The following PAK5 variants were observed in gnomAD, a reference collection of about 807,000 sequenced individuals.
PAK5 encodes the protein p21 (RAC1) activated kinase 5.
A neutral mutation model predicts 65.9 loss-of-function variants in PAK5; 16 were observed. The ratio of observed to expected loss-of-function variants is 0.24; its 90% CI spans 0.16 to 0.37. The LOEUF is 0.37. PAK5 is among the 10% of genes least tolerant of loss of function. The probability of loss-of-function intolerance (pLI) is 1.00; values close to 1 mark genes in which losing one functional copy is unlikely to be tolerated. For missense variants in PAK5, 785 were observed against 903.9 expected, an observed-to-expected ratio of 0.87 and a Z score of 1.69; for synonymous variants, 371 against 354.9, an observed-to-expected ratio of 1.05 and a Z score of -0.51.
intron 6 of PAK5, among the ~76,000 whole-genome samples, chr20:9,559,463 ATAAAGT>A (rs1259314032): frequency 2.0e-4 from 31 of 152,206 alleles, no homozygotes; most frequent in Non-Finnish European, 1.5e-5. Context: ...TACCAAAGGT[ATAAAGT>A]TGATGAGTAT....
intron 1 of PAK5, among the ~76,000 whole-genome samples, chr20:9,738,916 C>T (rs1432510560): frequency 1.3e-5 from 2 of 151,742 alleles, no homozygotes; most frequent in South Asian, 2.1e-4. Context: ...GCAATAGTAA[C>T]ATTTCAAGTG....
intron 1 of PAK5, among the ~76,000 whole-genome samples, chr20:9,820,316 A>G (rs1288640512): frequency 3.9e-5 from 6 of 152,326 alleles, no homozygotes; most frequent in Non-Finnish European, 8.8e-5. Flanking sequence ...TAAAACTCAG[A>G]TTTCCCCTAT....
intron 1 of PAK5, among the ~76,000 whole-genome samples, chr20:9,723,196 A>C (rs2048237892): frequency 6.6e-6 from 1 of 152,292 alleles, no homozygotes; most frequent in Non-Finnish European, 1.5e-5. Context: ...AATATTAGTT[A>C]AGAGGCTATC....
At chr20:9,787,946 A>C (rs890948431) in intron 1 of PAK5, among the ~76,000 whole-genome samples, 7 of 150,260 alleles carry the variant, frequency 4.7e-5, no homozygotes, top group African/African-American at 1.7e-4. Context: ...ATAATAGCTA[A>C]AAATTAGCTG....
rs777727004 is a variant in PAK5 at position 9,580,691 on chromosome 20, C to T, written c.444G>A (p.Glu148=). The change falls in exon 4 of 10, where the codon GAG becomes GAA. Residue 148 remains glutamate (E), a synonymous_variant. Transcript: ENST00000353224. ...TADYTTEKYR[E]KSLYGDDLDP... Reference sequence around the variant, plus strand: ...CCAGATCATCTCCATAGAGACTCTTCTCCCTGTACTTTTCGGTCGTGTAGT... The same window carrying T: ...CCAGATCATCTCCATAGAGACTCTTTTCCCTGTACTTTTCGGTCGTGTAGT... The T allele has an allele frequency of 1.9e-6, 3 of 1,614,068 alleles. No individual in the cohort carries two copies. Among genetic ancestry groups the T allele is most frequent in the Non-Finnish European group, 2.5e-6 (3 of 1,180,012 alleles).
chr20:9,636,676 G>T (rs1242652866), intron 3 of PAK5, among the ~76,000 whole-genome samples: 1 of 152,144 alleles, frequency 6.6e-6, no homozygotes, highest in Non-Finnish European at 1.5e-5. Context: ...CTTCAAAACA[G>T]CTGGTTTAGA....
chr20:9,541,278 G>C (rs1409140131), intron 9 of PAK5, among the ~76,000 whole-genome samples: 1 of 152,116 alleles, frequency 6.6e-6, no homozygotes, highest in Non-Finnish European at 1.5e-5. Flanking sequence ...AGTGTTTATA[G>C]TAGTAGTCCT....
At chr20:9,685,963 T>C (rs892672930) in intron 2 of PAK5, among the ~76,000 whole-genome samples, 1 of 152,224 alleles carries the variant, frequency 6.6e-6, no homozygotes, top group Non-Finnish European at 1.5e-5. Flanking sequence ...AAAGTGTTGC[T>C]ACATGCAATG....
chr20:9,634,864 G>C (rs1419118501), intron 3 of PAK5, among the ~76,000 whole-genome samples: 1 of 152,126 alleles, frequency 6.6e-6, no homozygotes, highest in Non-Finnish European at 1.5e-5. Flanking sequence ...GGGATTCCAG[G>C]AAGTAACAGG....
intron 2 of PAK5, among the ~76,000 whole-genome samples, chr20:9,677,715 T>C (rs1490086129): frequency 6.6e-6 from 1 of 152,208 alleles, no homozygotes. Context: ...ACTGATATTT[T>C]CCTAAATTAT....
chr20:9,669,342 C>A (rs946044656), intron 2 of PAK5, among the ~76,000 whole-genome samples: 1 of 151,980 alleles, frequency 6.6e-6, no homozygotes, highest in Non-Finnish European at 1.5e-5. Context: ...ATATAACAAG[C>A]CTCCTTCTAG....
intron 1 of PAK5, among the ~76,000 whole-genome samples, chr20:9,799,354 A>G (rs1271444832): frequency 6.6e-6 from 1 of 152,124 alleles, no homozygotes; most frequent in Non-Finnish European, 1.5e-5. Flanking sequence ...TTGTTTGCTT[A>G]TCTTTTATTG....
At position 9,557,598 on chromosome 20, in the gene PAK5, A is replaced by C; in HGVS notation, c.1743+10T>G. On this transcript the variant is annotated intron_variant, in intron 7 of 9. Coordinates refer to ENST00000353224, the MANE Select transcript of PAK5 (RefSeq NM_177990.4). ...AAAAACTACGAACGGGCCAAACATG[A>C]ACATCTTACCCGGCCATCGCTTGTC... 1.9e-6 allele frequency: 3 copies of C among 1,604,636 alleles called. No individual in the cohort carries two copies. The highest frequency in any genetic ancestry group is 2.6e-6 in the Non-Finnish European group (3 of 1,175,826).
At chr20:9,726,849 G>A (rs143213814) in intron 1 of PAK5, among the ~76,000 whole-genome samples, 68 of 152,202 alleles carry the variant, frequency 4.5e-4, no homozygotes, top group African/African-American at 1.5e-3. Context: ...AAGTATTAGC[G>A]ACCAAAAAGG....
intron 3 of PAK5, among the ~76,000 whole-genome samples, chr20:9,587,415 C>A (rs1392870780): frequency 6.6e-6 from 1 of 152,156 alleles, no homozygotes; most frequent in African/African-American, 2.4e-5. Flanking sequence ...AATTAACAAT[C>A]AGCATTCTAT....
At chr20:9,768,987 T>C (rs551830615) in intron 1 of PAK5, among the ~76,000 whole-genome samples, 1 of 152,290 alleles carries the variant, frequency 6.6e-6, no homozygotes, top group South Asian at 2.1e-4. Flanking sequence ...GCCCCGTTCA[T>C]TTCTTTAAAA....
intron 1 of PAK5, among the ~76,000 whole-genome samples, chr20:9,815,372 T>C (rs2049344500): frequency 6.6e-6 from 1 of 152,166 alleles, no homozygotes; most frequent in South Asian, 2.1e-4. Context: ...GAAATGCATG[T>C]GTGTAGTCCT....
intron 1 of PAK5, among the ~76,000 whole-genome samples, chr20:9,804,356 C>CACAGAGGATA (rs772652647): frequency 2.6e-5 from 4 of 152,122 alleles, no homozygotes; most frequent in Non-Finnish European, 4.4e-5. Flanking sequence ...TCAAATCAGG[C>CACAGAGGATA]ACAGAGGATA....
chr20:9,621,351 A>C (rs2123187153), intron 3 of PAK5, among the ~76,000 whole-genome samples: 1 of 151,810 alleles, frequency 6.6e-6, no homozygotes, highest in South Asian at 2.1e-4. Context: ...CCTTGAGCTA[A>C]GGACCTGAAT....
Sources: allele counts gnomAD v4.1 joint callset (sites outside exome capture counted in the v4.1 genomes callset), GRCh38; gene constraint gnomAD v4.1.1; transcripts MANE v1.5; gene names NCBI Gene and HGNC (gene_info 2026-07-23, HGNC 2026-07-21).